C4orf51: variants seen among roughly 807,000 people sequenced by gnomAD.
C4orf51 encodes chromosome 4 open reading frame 51, also known as uncharacterized protein C4orf51.
A neutral mutation model predicts 25.2 loss-of-function variants in C4orf51; 25 were observed. The ratio of observed to expected loss-of-function variants is 0.99; its 90% CI spans 0.72 to 1.39. The LOEUF (loss-of-function observed/expected upper bound fraction) is 1.39, where lower values mean the gene tolerates loss of function less well. Among genes scored for constraint, C4orf51 ranks in the 40% most tolerant of loss-of-function variants. The probability of loss-of-function intolerance (pLI) is 0.00; values close to 1 mark genes in which losing one functional copy is unlikely to be tolerated. For missense variants in C4orf51, 252 were observed against 239.6 expected (o/e 1.05, Z -0.34); for synonymous variants, 100 against 84.5 (o/e 1.18, Z -1.01).
intron 2 of C4orf51, among the ~76,000 whole-genome samples, chr4:145,700,569 C>T (rs547548427): frequency 2.1e-4 from 32 of 152,286 alleles, no homozygotes; most frequent in Non-Finnish European, 3.8e-4. Context: ...ATTTTTCCAT[C>T]CTACAAGATC....
At chr4:145,773,312 A>C (rs1039627816), downstream of C4orf51, among the ~76,000 whole-genome samples, 3 of 152,198 alleles carry the variant, frequency 2.0e-5, no homozygotes, top group Non-Finnish European at 4.4e-5. Flanking sequence ...GGCTCTCTGC[A>C]GACCTCCAAG....
downstream of C4orf51, among the ~76,000 whole-genome samples, chr4:145,755,256 G>C (rs1256910436): frequency 6.6e-6 from 1 of 152,180 alleles, no homozygotes; most frequent in Non-Finnish European, 1.5e-5. Flanking sequence ...CACAGCCCTA[G>C]TTTGTGTCTG....
Position 145,682,879 on chromosome 4 carries a change from G to A in C4orf51, c.233+2443G>A, listed in dbSNP as rs1219379929. Among the ~76,000 whole-genome samples, 4 of 152,062 alleles carry A rather than the reference G, an allele frequency of 2.6e-5. No individual in the cohort carries two copies. In the East Asian group the frequency reaches 7.7e-4, roughly 29 times the overall value. On this transcript the variant is annotated intron_variant, in intron 1 of 5. Coordinates refer to ENST00000438731, the MANE Select transcript of C4orf51 (RefSeq NM_001080531.3). ...ACGTGGCTCAAGTATAAATTATTAAGTCTTGATTCTTTCTGTATTCAAGAC... is the reference window on the plus strand; with the variant it reads ...ACGTGGCTCAAGTATAAATTATTAAATCTTGATTCTTTCTGTATTCAAGAC...
At chr4:145,768,845 CA>C (rs1735734054) in intron 1 of C4orf51, among the ~76,000 whole-genome samples, 1 of 69,376 alleles carries the variant, frequency 1.4e-5, no homozygotes, top group South Asian at 6.0e-4. Context: ...GGTGACAGAG[CA>C]AGACTCCGTC....
In C4orf51 at chr4:145,765,045, G is replaced by T. The variant is rs1735075985; in HGVS notation, n.167-5943G>T. 2 of 1,614,082 alleles carry T rather than the reference G, an allele frequency of 1.2e-6. No homozygotes were observed. The highest frequency in any genetic ancestry group is 2.2e-5 in the South Asian group (2 of 91,088). The stretch of plus-strand genomic sequence containing the variant: ...CTTATGCTCCAGCAGCTGTTCGGGG[G>T]TCTTCATGAACTTGTGGCACACATC... On this transcript the variant is annotated intron_variant and non_coding_transcript_variant, in intron 1 of 1. Coordinates refer to the C4orf51 transcript ENST00000510096. The surrounding 1 kb of genome is among the most constrained non-coding windows in gnomAD (Gnocchi z 4.7).
At chr4:145,733,734 T>C (rs1336022728), downstream of C4orf51, among the ~76,000 whole-genome samples, 1 of 152,228 alleles carries the variant, frequency 6.6e-6, no homozygotes, top group Non-Finnish European at 1.5e-5. Context: ...CCATCTGGTC[T>C]GATTCCCGGC....
chr4:145,731,564 CTTTTTTTTTTTT>C (rs398051305), intron 5 of C4orf51, among the ~76,000 whole-genome samples: 61 of 43,874 alleles, frequency 1.4e-3, no homozygotes, highest in African/African-American at 5.9e-3. Flanking sequence ...CAAGGCAAAT[CTTTTTTTTTTTT>C]TTTTTTTTTT....
the C4orf51 span, among the ~76,000 whole-genome samples, chr4:145,783,770 A>G: frequency 3.9e-5 from 6 of 152,234 alleles, no homozygotes; most frequent in Non-Finnish European, 7.3e-5. Context: ...AATATAAGGC[A>G]TGAAGACAAA....
At chr4:145,708,083 A>G (rs1455217768) in intron 2 of C4orf51, among the ~76,000 whole-genome samples, 1 of 152,200 alleles carries the variant, frequency 6.6e-6, no homozygotes, top group Non-Finnish European at 1.5e-5. Context: ...TCCTGCACCA[A>G]TGGTAGTTAC....
intron 1 of C4orf51, among the ~76,000 whole-genome samples, chr4:145,749,124 T>C (rs1272681035): frequency 1.3e-5 from 2 of 150,614 alleles, no homozygotes; most frequent in African/African-American, 4.8e-5. Flanking sequence ...TCTTGCTGAA[T>C]TGACCCCTTT....
intron 1 of C4orf51, among the ~76,000 whole-genome samples, chr4:145,743,813 C>T (rs956806197): frequency 1.3e-5 from 2 of 152,178 alleles, no homozygotes; most frequent in Admixed American, 6.5e-5. Context: ...AATTTCTCAC[C>T]TTCTTGCCTT....
intron 1 of C4orf51, among the ~76,000 whole-genome samples, chr4:145,750,897 A>G (rs2126810015): frequency 6.6e-6 from 1 of 152,066 alleles, no homozygotes. Context: ...AAGGTCAACA[A>G]TTCCTTCTGC....
At chr4:145,694,921 C>T (rs554625811) in intron 1 of C4orf51, among the ~76,000 whole-genome samples, 4 of 152,004 alleles carry the variant, frequency 2.6e-5, no homozygotes, top group Non-Finnish European at 4.4e-5. Context: ...AAAATGTTAC[C>T]CTTTTATGAC....
chr4:145,766,197 G>A (rs1283195246), intron 1 of C4orf51, among the ~76,000 whole-genome samples: 2 of 152,052 alleles, frequency 1.3e-5, no homozygotes, highest in African/African-American at 4.8e-5. Context: ...GTTTGAGTTC[G>A]TCTGACTCCA....
At chr4:145,785,034 T>C in the C4orf51 span, among the ~76,000 whole-genome samples, 1 of 152,242 alleles carries the variant, frequency 6.6e-6, no homozygotes, top group Non-Finnish European at 1.5e-5. Context: ...GCCTTGAATG[T>C]CATTTGGGCT....
At chr4:145,722,296 T>C (rs375806518) in intron 2 of C4orf51, among the ~76,000 whole-genome samples, 3 of 152,354 alleles carry the variant, frequency 2.0e-5, no homozygotes, top group Non-Finnish European at 4.4e-5. Context: ...TGCCTATATA[T>C]ACTTATTTGC....
downstream of C4orf51, chr4:145,758,058 A>G (rs532504468): frequency 1.6e-4 from 25 of 152,320 alleles, no homozygotes; most frequent in African/African-American, 5.5e-4. Context: ...TCAGGGGTAC[A>G]TATTTTCTAG....
Position 145,726,940 on chromosome 4 carries a change from A to C in C4orf51, c.337A>C (p.Lys113Gln). ...ATTCCCTGATATAACCAGGCCCTTT[A>C]AAAAGTCATTTGATGTCAAGCATGG... is the stretch of plus-strand genomic sequence containing the variant. ...GLFPDITRPF[K>Q]KSFDVKHGVA... The change falls in exon 3 of 6, where the codon AAA becomes CAA. Residue 113 changes from lysine (K) to glutamine (Q), a missense_variant. Coordinates refer to ENST00000438731, the MANE Select transcript of C4orf51 (RefSeq NM_001080531.3). 1 of 1,613,666 alleles carries C rather than the reference A, an allele frequency of 6.2e-7. No individual in the cohort carries two copies. Among genetic ancestry groups the C allele is most frequent in the South Asian group, 1.1e-5 (1 of 91,066 alleles).
intron 2 of C4orf51, among the ~76,000 whole-genome samples, chr4:145,707,133 G>A (rs576277003): frequency 6.6e-6 from 1 of 151,932 alleles, no homozygotes; most frequent in Non-Finnish European, 1.5e-5. Context: ...TAGAGACGGA[G>A]TTTCACTGTG....
Sources: allele counts gnomAD v4.1 joint callset (sites outside exome capture counted in the v4.1 genomes callset), GRCh38; gene constraint gnomAD v4.1.1; non-coding constraint Gnocchi (gnomAD v3.1); transcripts MANE v1.5; gene names NCBI Gene and HGNC (gene_info 2026-07-23, HGNC 2026-07-21).